NUP93: variants seen among roughly 807,000 people sequenced by gnomAD.
NUP93 encodes nuclear pore complex protein Nup93.
Under a neutral mutation model 107.8 loss-of-function variants are expected in NUP93, and 55 were observed. The observed-to-expected ratio is 0.51, with a 90% CI of 0.41 to 0.64. The LOEUF (loss-of-function observed/expected upper bound fraction) is 0.64, where lower values mean the gene tolerates loss of function less well. Among genes scored for constraint, NUP93 ranks in the 30% least tolerant of loss-of-function variants. The pLI is 0.00. For missense variants in NUP93, 937 were observed against 1,044.7 expected, an observed-to-expected ratio of 0.90 and a Z score of 1.42; for synonymous variants, 390 against 397.5, an observed-to-expected ratio of 0.98 and a Z score of 0.22.
intron 3 of NUP93, among the ~76,000 whole-genome samples, chr16:56,791,975 A>G (rs917965370): frequency 1.3e-4 from 20 of 152,256 alleles, no homozygotes; most frequent in African/African-American, 4.6e-4. Context: ...CAAAAGTTTC[A>G]CAAATCAATA....
At position 56,792,021 on chromosome 16, in the gene NUP93, A is replaced by T. The variant is rs1190418663; in HGVS notation, c.298-6455A>T. ...ATATCTCTGTTGCATTTATTTTATTAAAAAATGCTGATTGGGCCAGATGTG... is the reference window on the plus strand; with the variant it reads ...ATATCTCTGTTGCATTTATTTTATTTAAAAATGCTGATTGGGCCAGATGTG... On this transcript the variant is annotated intron_variant, in intron 3 of 21. Coordinates refer to ENST00000308159, the MANE Select transcript of NUP93 (RefSeq NM_014669.5). Among the ~76,000 whole-genome samples, 4 of 152,280 alleles carry T rather than the reference A, an allele frequency of 2.6e-5. No individual in the cohort carries two copies. In the East Asian group the frequency reaches 7.7e-4, roughly 29 times the overall value.
At position 56,835,850 on chromosome 16, in the gene NUP93, C is replaced by T. The variant is rs139717249; in HGVS notation, c.1783-751C>T. 2.4e-3 allele frequency among the ~76,000 whole-genome samples: 367 copies of T among 152,070 alleles called. 1 individual carries two copies. The highest frequency in any genetic ancestry group is 4.5e-3 in the Admixed American group (69 of 15,272). On this transcript the variant is annotated intron_variant, in intron 16 of 21. Coordinates refer to ENST00000308159, the MANE Select transcript of NUP93 (RefSeq NM_014669.5). ...TTTTAAGAAATGTCCTGTTACCAGCCGGGCGCGGTGGCTCACGCCTGTAAT... is the reference window on the plus strand; with the variant it reads ...TTTTAAGAAATGTCCTGTTACCAGCTGGGCGCGGTGGCTCACGCCTGTAAT...
chr16:56,730,613 C>G (rs1263845449), intron 1 of NUP93, among the ~76,000 whole-genome samples: 4 of 152,198 alleles, frequency 2.6e-5, no homozygotes, highest in African/African-American at 9.7e-5. Flanking sequence ...TTGCCTACCC[C>G]TCGTGGACAC....
At chr16:56,837,541 A>G (rs1963936352) in intron 17 of NUP93, 67 bp from the exon 18 acceptor site, 6 of 1,255,972 alleles carry the variant, frequency 4.8e-6, no homozygotes, top group African/African-American at 1.5e-5. Context: ...GGTAGGGGGC[A>G]TTATATAGTT....
rs1288227780 is a variant in NUP93 at position 56,823,806 on chromosome 16, A to G, written c.754A>G (p.Met252Val). The stretch of plus-strand genomic sequence containing the variant: ...GAACCGCAGCAGCGTGGAAGTGCGC[A>G]TGGAGTTTGTCAGGCAGGCCTTGGC... ...LKNRSSVEVR[M>V]EFVRQALAYL... Residue 252 changes from methionine to valine, a missense_variant, in exon 8 of 22, where the codon ATG becomes GTG. Coordinates refer to ENST00000308159, the MANE Select transcript of NUP93 (RefSeq NM_014669.5). 9.3e-6 allele frequency: 15 copies of G among 1,614,070 alleles called. No individual in the cohort carries two copies. The highest frequency in any genetic ancestry group is 2.7e-5 in the African/African-American group (2 of 74,946).
chr16:56,774,969 T>C (rs1279670920), intron 3 of NUP93, among the ~76,000 whole-genome samples: 1 of 151,496 alleles, frequency 6.6e-6, no homozygotes, highest in Non-Finnish European at 1.5e-5. Context: ...GTGCAATCTC[T>C]GCTCATTGCA....
chr16:56,736,870 A>G (rs1244729623), intron 1 of NUP93, among the ~76,000 whole-genome samples: 1 of 152,252 alleles, frequency 6.6e-6, no homozygotes, highest in Non-Finnish European at 1.5e-5. Flanking sequence ...GTAAGATCAC[A>G]TATACTCATG....
intron 1 of NUP93, among the ~76,000 whole-genome samples, chr16:56,742,446 T>A (rs781263090): frequency 7.9e-5 from 12 of 152,268 alleles, no homozygotes; most frequent in Non-Finnish European, 1.6e-4. Flanking sequence ...GTGAAAATTA[T>A]ATGAAACTCA....
At chr16:56,756,919 T>TTTTCATA (rs1962035334) in intron 2 of NUP93, among the ~76,000 whole-genome samples, 1 of 152,196 alleles carries the variant, frequency 6.6e-6, no homozygotes, top group African/African-American at 2.4e-5. Flanking sequence ...TTTCATATGT[T>TTTTCATA]TGTTGGCTGC....
At chr16:56,785,571 A>G (rs1162916590) in intron 3 of NUP93, among the ~76,000 whole-genome samples, 1 of 152,226 alleles carries the variant, frequency 6.6e-6, no homozygotes, top group Non-Finnish European at 1.5e-5. Context: ...TGACAGTACC[A>G]TAATGTGGAT....
Position 56,783,518 on chromosome 16 carries a change from A to G in NUP93, c.298-14958A>G, listed in dbSNP as rs143322506. On this transcript the variant is annotated intron_variant, in intron 3 of 21. Transcript: ENST00000308159. The stretch of plus-strand genomic sequence containing the variant: ...TGTGGTTTGCATTTTGTAAAGATGG[A>G]GGAAACCTCTAACACTGACCCTGTA... The G allele has an allele frequency of 4.9e-5, 48 of 985,464 alleles. No homozygotes were observed. In the East Asian group the frequency reaches 3.1e-3, roughly 63 times the overall value. The allele number at this position is 985,464 out of a possible 1,614,324, so 61.0% of individuals were successfully genotyped here.
chr16:56,799,653 T>C (rs1448125829), intron 4 of NUP93, among the ~76,000 whole-genome samples: 1 of 152,200 alleles, frequency 6.6e-6, no homozygotes, highest in East Asian at 1.9e-4. Flanking sequence ...ACACCTCTGT[T>C]TTGCTGTTTA....
chr16:56,844,562 G>A lies in NUP93; in HGVS notation c.2413G>A (p.Gly805Arg). ...FAGMIPYRTS[G>R]DTNARLVQME... ...TGGAATGATACCATACCGAACGTCTGGGGACACCAATGCGAGGCTGGTGCA... is the reference window on the plus strand; with the variant it reads ...TGGAATGATACCATACCGAACGTCTAGGGACACCAATGCGAGGCTGGTGCA... The change falls in exon 22 of 22, where the codon GGG becomes AGG. Residue 805 changes from glycine (G) to arginine (R), a missense_variant. Gly to Arg is a moderately radical substitution (Grantham distance 125, BLOSUM62 -2). Transcript: ENST00000308159. 1 of 1,587,644 alleles carries A rather than the reference G, an allele frequency of 6.3e-7. No homozygotes were observed. The highest frequency in any genetic ancestry group is 8.6e-7 in the Non-Finnish European group (1 of 1,167,378).
chr16:56,830,178 G>A (rs190863108), intron 9 of NUP93, among the ~76,000 whole-genome samples: 484 of 152,300 alleles, frequency 3.2e-3, no homozygotes, highest in Non-Finnish European at 5.1e-3. Flanking sequence ...GAGTGCATGT[G>A]TGTATATTAT....
At position 56,818,817 on chromosome 16, in the gene NUP93, TA is replaced by T. The variant is rs1963487872; in HGVS notation, c.564+83del. The stretch of plus-strand genomic sequence containing the variant: ...GGGAGTAAAAGGAAACAAAAACTTG[TA>T]AAAGTCAAACCCTGAAAGCAAGTTG... On this transcript the variant is annotated intron_variant, in intron 6 of 21. Transcript: ENST00000308159. 6 of 1,234,450 alleles carry T rather than the reference TA, an allele frequency of 4.9e-6. No homozygotes were observed. The East Asian group carries it at 9.4e-5, about 19-fold the overall frequency. The allele number at this position is 1,234,450 out of a possible 1,614,324, so 76.5% of individuals were successfully genotyped here. A position where few individuals can be genotyped will look rare whatever the true frequency, so the allele number is the denominator to read the frequency against.
Position 56,831,960 on chromosome 16 carries a change from A to G in NUP93, c.1204A>G (p.Asn402Asp). 6.2e-7 allele frequency: 1 copy of G among 1,614,134 alleles called. No individual in the cohort carries two copies. The highest frequency in any genetic ancestry group is 8.5e-7 in the Non-Finnish European group (1 of 1,180,014). ...CIIGRCDVTD[N>D]QSEVADKTED... ...CATTGGCAGATGTGACGTCACCGAC[A>G]ACCAGAGTGAAGTGGCGGACAAAAC... The change falls in exon 11 of 22, where the codon AAC becomes GAC. Residue 402 changes from asparagine to aspartate, a missense_variant. By Grantham distance (23) the Asn-to-Asp change is conservative. Coordinates refer to ENST00000308159, the MANE Select transcript of NUP93 (RefSeq NM_014669.5).
chr16:56,800,696 T>A (rs1963001677), intron 4 of NUP93, among the ~76,000 whole-genome samples: 1 of 152,244 alleles, frequency 6.6e-6, no homozygotes, highest in Non-Finnish European at 1.5e-5. Flanking sequence ...CTTGCCAGTG[T>A]CCTGCTGAAA....
intron 3 of NUP93, among the ~76,000 whole-genome samples, chr16:56,780,296 T>C (rs1292685929): frequency 3.9e-5 from 6 of 152,210 alleles, no homozygotes; most frequent in African/African-American, 1.4e-4. Context: ...GTAAGAAAAC[T>C]AGAAAGCTCT....
intron 3 of NUP93, 65 bp from the exon 4 acceptor site, chr16:56,798,411 C>A: frequency 7.4e-7 from 1 of 1,359,408 alleles, no homozygotes; most frequent in Non-Finnish European, 1.1e-6. Context: ...ATTGTTTGCC[C>A]TGCAGTATAC....
Sources: allele counts gnomAD v4.1 joint callset (sites outside exome capture counted in the v4.1 genomes callset), GRCh38; gene constraint gnomAD v4.1.1; transcripts MANE v1.5; gene names NCBI Gene and HGNC (gene_info 2026-07-23, HGNC 2026-07-21).